Variants in SEZ6L observed in about 807,000 individuals in gnomAD.
The protein encoded by SEZ6L is seizure related 6 homolog like, also known as seizure 6-like protein.
A neutral mutation model predicts 106.2 loss-of-function variants in SEZ6L; 37 were observed. That is an observed-to-expected ratio of 0.35 (90% CI 0.27 to 0.46). SEZ6L has a LOEUF of 0.46. SEZ6L is among the 20% of genes least tolerant of loss of function. SEZ6L has a pLI of 1.00. For missense variants in SEZ6L, 1,172 were observed against 1,332.8 expected (o/e 0.88, Z 1.88); for synonymous variants, 541 against 570.4 (o/e 0.95, Z 0.73).
At chr22:26,283,945 G>T (rs138829843) in intron 1 of SEZ6L, among the ~76,000 whole-genome samples, 7 of 152,326 alleles carry the variant, frequency 4.6e-5, no homozygotes, top group Admixed American at 1.3e-4. Context: ...TTCAAAATGT[G>T]TTACTCAGTA....
intron 16 of SEZ6L, among the ~76,000 whole-genome samples, chr22:26,378,307 C>T (rs2084299513): frequency 6.6e-6 from 1 of 152,146 alleles, no homozygotes; most frequent in Non-Finnish European, 1.5e-5. Context: ...ATCCTTGCAG[C>T]TCTCTGCAAT....
intron 1 of SEZ6L, among the ~76,000 whole-genome samples, chr22:26,184,787 A>C: frequency 6.6e-6 from 1 of 152,210 alleles, no homozygotes; most frequent in East Asian, 1.9e-4. Flanking sequence ...AGGCTTATTA[A>C]TCTCTGATAG....
At chr22:26,283,290 G>A (rs891193657) in intron 1 of SEZ6L, among the ~76,000 whole-genome samples, 2 of 152,112 alleles carry the variant, frequency 1.3e-5, no homozygotes, top group Admixed American at 6.5e-5. Context: ...CGTATTAATT[G>A]CAGTACTAAT....
intron 15 of SEZ6L, among the ~76,000 whole-genome samples, chr22:26,376,001 A>C (rs1908460423): frequency 1.3e-5 from 2 of 152,106 alleles, no homozygotes. Context: ...TCACTCATTC[A>C]CTCATTTATT....
chr22:26,269,909 G>A (rs2080308839), intron 1 of SEZ6L, among the ~76,000 whole-genome samples: 1 of 152,090 alleles, frequency 6.6e-6, no homozygotes, highest in Non-Finnish European at 1.5e-5. Context: ...AGTGCACAAA[G>A]GAAAAGGACC....
chr22:26,336,872 C>T (rs2082661567), intron 9 of SEZ6L, among the ~76,000 whole-genome samples: 1 of 152,044 alleles, frequency 6.6e-6, no homozygotes, highest in Non-Finnish European at 1.5e-5. Context: ...AAACCACTGA[C>T]ATAAATCATC....
chr22:26,171,276 T>C (rs1367680232), intron 1 of SEZ6L, among the ~76,000 whole-genome samples: 1 of 152,076 alleles, frequency 6.6e-6, no homozygotes, highest in Non-Finnish European at 1.5e-5. Context: ...AGAGATTTGG[T>C]TTAAACAAAT....
Position 26,259,673 on chromosome 22 carries a change from C to T in SEZ6L, c.95-32733C>T, listed in dbSNP as rs558426604. Reference sequence around the variant, plus strand: ...ATGATCTGCTGAGGTCGCCATCCACCACGTGAATAGCTCAAGTATTTAAAG... The same window carrying T: ...ATGATCTGCTGAGGTCGCCATCCACTACGTGAATAGCTCAAGTATTTAAAG... On this transcript the variant is annotated intron_variant, in intron 1 of 16. Transcript: ENST00000248933. 7.2e-4 allele frequency among the ~76,000 whole-genome samples: 109 copies of T among 152,322 alleles called. 5 individuals are homozygous for T. The South Asian group carries it at 0.021, about 29-fold the overall frequency.
chr22:26,238,554 A>G (rs1177523600), intron 1 of SEZ6L, among the ~76,000 whole-genome samples: 2 of 152,250 alleles, frequency 1.3e-5, no homozygotes, highest in African/African-American at 2.4e-5. Context: ...AGACAGCAGC[A>G]TAAGTGGCCA....
intron 12 of SEZ6L, among the ~76,000 whole-genome samples, chr22:26,359,124 C>A (rs1463616227): frequency 2.6e-5 from 4 of 152,320 alleles, no homozygotes; most frequent in Middle Eastern, 3.4e-3. Flanking sequence ...AGTTCCTATT[C>A]CTTTGACTCT....
chr22:26,225,041 G>GA (rs969811639), intron 1 of SEZ6L, among the ~76,000 whole-genome samples: 2 of 152,088 alleles, frequency 1.3e-5, no homozygotes, highest in Admixed American at 6.5e-5. Flanking sequence ...CTTAACAAAT[G>GA]AAAAAAATCA....
intron 1 of SEZ6L, among the ~76,000 whole-genome samples, chr22:26,223,503 C>A (rs114184281): frequency 1.3e-5 from 2 of 152,220 alleles, no homozygotes; most frequent in African/African-American, 2.4e-5. Flanking sequence ...CTCAGCCTCC[C>A]CTTCAGTGGT....
Position 26,300,565 on chromosome 22 carries a change from T to C in SEZ6L, c.1348+1396T>C, listed in dbSNP as rs544985395. 2.6e-5 allele frequency among the ~76,000 whole-genome samples: 4 copies of C among 152,384 alleles called. No homozygotes were observed. In the South Asian group the frequency reaches 8.3e-4, roughly 32 times the overall value. On this transcript the variant is annotated intron_variant, in intron 5 of 16. Coordinates refer to ENST00000248933, the MANE Select transcript of SEZ6L (RefSeq NM_021115.5). ...AAACCAGTCTATCATTGTTGGACAT[T>C]TGGCTTGGTTCCAAGTCTTTGCTAT...
At chr22:26,260,295 T>G (rs1023800968) in intron 1 of SEZ6L, among the ~76,000 whole-genome samples, 4 of 152,148 alleles carry the variant, frequency 2.6e-5, no homozygotes, top group Non-Finnish European at 5.9e-5. Flanking sequence ...CCCCTCCCAC[T>G]ATTTCCCCTG....
At chr22:26,182,905 G>C (rs574068798) in intron 1 of SEZ6L, among the ~76,000 whole-genome samples, 1 of 152,236 alleles carries the variant, frequency 6.6e-6, no homozygotes, top group African/African-American at 2.4e-5. Flanking sequence ...GGCGTGGCCT[G>C]TCTGCCGGGA....
chr22:26,328,627 C>T (rs1030839406), intron 9 of SEZ6L, among the ~76,000 whole-genome samples: 1 of 152,074 alleles, frequency 6.6e-6, no homozygotes, highest in African/African-American at 2.4e-5. Flanking sequence ...CCACTGCCTT[C>T]GGAAATGGCT....
intron 1 of SEZ6L, among the ~76,000 whole-genome samples, chr22:26,286,362 T>C (rs921788500): frequency 1.1e-4 from 17 of 152,212 alleles, no homozygotes; most frequent in African/African-American, 3.9e-4. Flanking sequence ...TCTGTAAATA[T>C]TTATTTCATT....
At chr22:26,255,954 G>T (rs1426672507) in intron 1 of SEZ6L, among the ~76,000 whole-genome samples, 1 of 152,184 alleles carries the variant, frequency 6.6e-6, no homozygotes, top group African/African-American at 2.4e-5. Flanking sequence ...CACATGAGTG[G>T]GGTTTAGGCT....
chr22:26,210,399 T>C (rs78616680), intron 1 of SEZ6L, among the ~76,000 whole-genome samples: 11,318 of 152,220 alleles, frequency 0.074, 429 homozygotes, highest in Admixed American at 0.11. Context: ...TGGGTTCTAA[T>C]AAAGGACAGA....
Sources: allele counts gnomAD v4.1 joint callset (sites outside exome capture counted in the v4.1 genomes callset), GRCh38; gene constraint gnomAD v4.1.1; transcripts MANE v1.5; gene names NCBI Gene and HGNC (gene_info 2026-07-23, HGNC 2026-07-21).